The following KCNB2 variants were observed in gnomAD, a reference collection of about 807,000 sequenced individuals.
KCNB2 encodes the protein delayed rectifier potassium channel protein.
In KCNB2, 15 loss-of-function variants were observed where a neutral mutation model predicts 61.5. The ratio of observed to expected loss-of-function variants is 0.24; its 90% CI spans 0.16 to 0.38. The LOEUF (loss-of-function observed/expected upper bound fraction) is 0.38, where lower values mean the gene tolerates loss of function less well. Ranked by LOEUF, KCNB2 falls within the 10% of genes least tolerant of loss-of-function variation. The pLI is 1.00. For synonymous variants in KCNB2, 457 were observed against 446.0 expected (o/e 1.02, Z -0.31); for missense variants, 828 against 1,125.2 (o/e 0.74, Z 3.78).
At chr8:72,768,536 T>A (rs1469286409) in intron 2 of KCNB2, among the ~76,000 whole-genome samples, 1 of 152,100 alleles carries the variant, frequency 6.6e-6, no homozygotes, top group African/African-American at 2.4e-5. Context: ...GCACAAAAGC[T>A]TTTTTCATTT....
chr8:72,678,785 T>A (rs993187431), intron 2 of KCNB2, among the ~76,000 whole-genome samples: 11 of 152,212 alleles, frequency 7.2e-5, no homozygotes, highest in African/African-American at 2.7e-4. Flanking sequence ...GATCCAGGAT[T>A]GGGCTTGATA....
intron 2 of KCNB2, among the ~76,000 whole-genome samples, chr8:72,867,267 G>A (rs1429563613): frequency 6.6e-6 from 1 of 152,126 alleles, no homozygotes; most frequent in African/African-American, 2.4e-5. Context: ...GAGAAATCAG[G>A]TAGCTCCAGA....
Position 72,833,962 on chromosome 8 carries a change from G to T in KCNB2, c.580-101973G>T, listed in dbSNP as rs139451657. ...TTCTTACATCAGCAAATGTGATTTT[G>T]CCCAAGTGACAGCAGTGATATGTTG... On this transcript the variant is annotated intron_variant, in intron 2 of 2. Coordinates refer to ENST00000523207, the MANE Select transcript of KCNB2 (RefSeq NM_004770.3). Among the ~76,000 whole-genome samples, 1,123 of 152,256 alleles carry T rather than the reference G, an allele frequency of 7.4e-3. 14 individuals carry two copies. Among genetic ancestry groups the T allele is most frequent in the African/African-American group, 0.02 (847 of 41,552 alleles).
chr8:72,778,862 A>G (rs1451097062), intron 2 of KCNB2, among the ~76,000 whole-genome samples: 1 of 152,008 alleles, frequency 6.6e-6, no homozygotes, highest in African/African-American at 2.4e-5. Flanking sequence ...ATTATATCCC[A>G]ACACAACCTC....
intron 2 of KCNB2, among the ~76,000 whole-genome samples, chr8:72,932,514 C>T (rs1008065166): frequency 7.9e-5 from 12 of 151,972 alleles, no homozygotes; most frequent in African/African-American, 2.9e-4. Context: ...TTCCTAAGAC[C>T]CCCTATAAAA....
At chr8:72,664,127 TG>T (rs1235619630) in intron 2 of KCNB2, among the ~76,000 whole-genome samples, 2 of 152,222 alleles carry the variant, frequency 1.3e-5, no homozygotes, top group Admixed American at 1.3e-4. Flanking sequence ...CTTTCAAAGC[TG>T]TAAGATCCCA....
chr8:72,636,066 G>A (rs973598486), intron 2 of KCNB2, among the ~76,000 whole-genome samples: 1 of 151,908 alleles, frequency 6.6e-6, no homozygotes, highest in Non-Finnish European at 1.5e-5. Flanking sequence ...TAAATGTGCC[G>A]GGAAGGTTAG....
At chr8:72,707,582 A>G (rs1376079044) in intron 2 of KCNB2, among the ~76,000 whole-genome samples, 1 of 152,198 alleles carries the variant, frequency 6.6e-6, no homozygotes, top group Non-Finnish European at 1.5e-5. Context: ...CACATGCTTC[A>G]GGGGAGCATT....
intron 2 of KCNB2, among the ~76,000 whole-genome samples, chr8:72,836,401 C>T (rs1257265392): frequency 2.6e-5 from 4 of 152,188 alleles, no homozygotes; most frequent in Admixed American, 2.6e-4. Flanking sequence ...TTTTTCAAGA[C>T]CTGTGACATG....
intron 2 of KCNB2, among the ~76,000 whole-genome samples, chr8:72,886,787 G>T (rs770380931): frequency 6.6e-6 from 1 of 152,242 alleles, no homozygotes; most frequent in African/African-American, 2.4e-5. Context: ...TTCTTGCATC[G>T]CAGTGGCAGC....
intron 2 of KCNB2, among the ~76,000 whole-genome samples, chr8:72,868,740 A>T (rs201070094): frequency 1.3e-5 from 2 of 152,246 alleles, no homozygotes; most frequent in East Asian, 3.9e-4. Context: ...AAGACATAAA[A>T]TGTGTTGTTC....
intron 2 of KCNB2, among the ~76,000 whole-genome samples, chr8:72,868,638 A>G (rs569812182): frequency 4.6e-5 from 7 of 152,130 alleles, no homozygotes; most frequent in African/African-American, 1.7e-4. Flanking sequence ...AAAGGACCCC[A>G]TTATTAAAAG....
chr8:72,655,557 T>C (rs1806277669), intron 2 of KCNB2, among the ~76,000 whole-genome samples: 2 of 152,130 alleles, frequency 1.3e-5, no homozygotes, highest in Non-Finnish European at 2.9e-5. Context: ...AGAAGAGACA[T>C]ACAGATATCT....
At chr8:72,734,999 A>G (rs1807816114) in intron 2 of KCNB2, among the ~76,000 whole-genome samples, 1 of 152,164 alleles carries the variant, frequency 6.6e-6, no homozygotes, top group African/African-American at 2.4e-5. Flanking sequence ...CTTCCACTCA[A>G]AGGACAAGAT....
At chr8:72,829,806 T>C (rs1187514226) in intron 2 of KCNB2, among the ~76,000 whole-genome samples, 2 of 152,066 alleles carry the variant, frequency 1.3e-5, no homozygotes, top group African/African-American at 4.8e-5. Flanking sequence ...CCAAAAAAAA[T>C]GTGTCTGAAA....
At chr8:72,762,918 TCATAAA>T (rs1340149778) in intron 2 of KCNB2, among the ~76,000 whole-genome samples, 1 of 144,780 alleles carries the variant, frequency 6.9e-6, no homozygotes, top group East Asian at 2.2e-4. Flanking sequence ...GTGCAAATAC[TCATAAA>T]CATACATACA....
rs567771390 is a variant in KCNB2 at position 72,616,839 on chromosome 8, A to G, written c.579+48526A>G. 2.0e-5 allele frequency among the ~76,000 whole-genome samples: 3 copies of G among 152,330 alleles called. No homozygotes were observed. The South Asian group carries it at 6.2e-4, about 32-fold the overall frequency. On this transcript the variant is annotated intron_variant, in intron 2 of 2. Transcript: ENST00000523207. ...GCATATATGAAGAGGAGGAGTTAAT[A>G]TAATAGGCACAGTTTTCTCAGAGCT...
intron 2 of KCNB2, among the ~76,000 whole-genome samples, chr8:72,641,250 T>C (rs547116010): frequency 6.6e-6 from 1 of 152,264 alleles, no homozygotes; most frequent in South Asian, 2.1e-4. Flanking sequence ...ACACTTGTTC[T>C]CTACTTGTAG....
intron 2 of KCNB2, among the ~76,000 whole-genome samples, chr8:72,763,251 A>G (rs984718344): frequency 1.3e-5 from 2 of 152,000 alleles, no homozygotes. Context: ...CCACTTGGGT[A>G]TTTCACTAAG....
Sources: allele counts gnomAD v4.1 joint callset (sites outside exome capture counted in the v4.1 genomes callset), GRCh38; gene constraint gnomAD v4.1.1; transcripts MANE v1.5; gene names NCBI Gene and HGNC (gene_info 2026-07-23, HGNC 2026-07-21).